Variants in PCDHA8 observed in about 807,000 individuals in gnomAD.
The protein encoded by PCDHA8 is protocadherin alpha-8.
A neutral mutation model predicts 61.8 loss-of-function variants in PCDHA8; 53 were observed. The ratio of observed to expected loss-of-function variants is 0.86; its 90% confidence interval spans 0.69 to 1.08. The LOEUF is 1.08. PCDHA8 is among the 50% of genes least tolerant of loss of function. The pLI is 0.00. For synonymous variants in PCDHA8, 618 were observed against 556.6 expected (o/e 1.11, Z -1.55); for missense variants, 1,293 against 1,245.0 (o/e 1.04, Z -0.58).
intron 1 of PCDHA8, among the ~76,000 whole-genome samples, chr5:140,918,972 A>G (rs782748846): frequency 6.6e-5 from 10 of 152,184 alleles, no homozygotes; most frequent in Non-Finnish European, 1.3e-4. Flanking sequence ...GATATCGTTT[A>G]GGTTAGTTGG....
rs190283736 is a variant in PCDHA8 at position 140,986,671 on chromosome 5, A to G, written c.2542+4108A>G. 1.7e-3 allele frequency among the ~76,000 whole-genome samples: 261 copies of G among 152,322 alleles called. 3 individuals carry two copies. The highest frequency in any genetic ancestry group is 2.2e-4 in the Non-Finnish European group (15 of 68,018). ...GTGGGAGATGCTCACAGTTTTCAGA[A>G]GAGTTCAGAAAGTTTCAAAACACAC... On this transcript the variant is annotated intron_variant, in intron 3 of 3. Coordinates refer to ENST00000531613, the MANE Select transcript of PCDHA8 (RefSeq NM_018911.3).
At chr5:140,853,678 A>G (rs2042828793) in intron 1 of PCDHA8, 4 of 988,418 alleles carry the variant, frequency 4.0e-6, no homozygotes, top group Non-Finnish European at 3.7e-6. Flanking sequence ...CCTATGGTCA[A>G]CCTATCCTTA....
chr5:140,987,155 A>G (rs2097233368), intron 3 of PCDHA8, among the ~76,000 whole-genome samples: 1 of 151,902 alleles, frequency 6.6e-6, no homozygotes, highest in South Asian at 2.1e-4. Context: ...TGGAGGTTGC[A>G]GTGAGCTGAG....
chr5:140,917,417 C>T (rs1163543772), intron 1 of PCDHA8, among the ~76,000 whole-genome samples: 1 of 152,082 alleles, frequency 6.6e-6, no homozygotes, highest in African/African-American at 2.4e-5. Flanking sequence ...TAATTAGGCC[C>T]CATTTGCCAA....
At chr5:140,848,250 C>A in intron 1 of PCDHA8, 1 of 460,454 alleles carries the variant, frequency 2.2e-6, no homozygotes, top group Non-Finnish European at 3.8e-6. Context: ...TGCAGAATAA[C>A]TGTGAAATTT....
At position 140,928,325 on chromosome 5, in the gene PCDHA8, G is replaced by A. The variant is rs1432328240; in HGVS notation, c.2395-50624G>A. 3.1e-6 allele frequency: 5 copies of A among 1,614,020 alleles called. No homozygotes were observed. The African/African-American group carries it at 6.7e-5, about 22-fold the overall frequency. ...CAGGACCCCGACCTGGGGAAGAATGGCCTTGTCTCTTATGAGCTGTTGGAT... is the reference window on the plus strand; with the variant it reads ...CAGGACCCCGACCTGGGGAAGAATGACCTTGTCTCTTATGAGCTGTTGGAT... On this transcript the variant is annotated intron_variant, in intron 1 of 3. Transcript: ENST00000531613.
At chr5:140,907,534 T>G (rs2073435289) in intron 1 of PCDHA8, among the ~76,000 whole-genome samples, 1 of 152,204 alleles carries the variant, frequency 6.6e-6, no homozygotes, top group African/African-American at 2.4e-5. Flanking sequence ...CGCTGCCCTT[T>G]CTATGATGGA....
intron 1 of PCDHA8, among the ~76,000 whole-genome samples, chr5:140,844,638 T>C (rs1352233987): frequency 8.0e-5 from 12 of 149,752 alleles, no homozygotes; most frequent in African/African-American, 2.7e-4. Flanking sequence ...CTATACATGA[T>C]AATTTCATTC....
chr5:140,876,855 A>C (rs371246236), intron 1 of PCDHA8: 7 of 1,613,934 alleles, frequency 4.3e-6, no homozygotes, highest in East Asian at 2.2e-5. Flanking sequence ...CCGAGTACAC[A>C]GTGTTCGTGA....
In PCDHA8 at chr5:140,849,948, C is replaced by T. The variant is rs2150459540; in HGVS notation, c.2394+6233C>T. ...GGTGTCTGCGCGGGACGCTGACGCG[C>T]AGGAGAACGCCCTGGTGTCCTACTC... On this transcript the variant is annotated intron_variant, in intron 1 of 3. Coordinates refer to ENST00000531613, the MANE Select transcript of PCDHA8 (RefSeq NM_018911.3). 4 of 1,597,728 alleles carry T rather than the reference C, an allele frequency of 2.5e-6. 1 individual carries two copies. The East Asian group carries it at 8.9e-5, about 36-fold the overall frequency.
rs1554202543 is a variant in PCDHA8 at position 140,925,106 on chromosome 5, G to GA, written c.2395-53842dup. The stretch of plus-strand genomic sequence containing the variant: ...GAAAGGAAGGAAGGAAGGAAGGAAG[G>GA]AGGGAAGGAAGGAAGGAAAAAAAAT... On this transcript the variant is annotated intron_variant, in intron 1 of 3. Coordinates refer to ENST00000531613, the MANE Select transcript of PCDHA8 (RefSeq NM_018911.3). Among the ~76,000 whole-genome samples the GA allele has an allele frequency of 6.6e-3, 1,003 of 151,180 alleles. 6 individuals are homozygous for GA. Among genetic ancestry groups the GA allele is most frequent in the African/African-American group, 0.017 (687 of 41,108 alleles).
chr5:140,877,146 GA>G (rs781877505), intron 1 of PCDHA8: 8 of 1,613,700 alleles, frequency 5.0e-6, no homozygotes, highest in Admixed American at 3.3e-5. Context: ...TGCTGGACGA[GA>G]ACGACAACGC....
At chr5:140,888,011 A>G (rs1554183291) in intron 1 of PCDHA8, among the ~76,000 whole-genome samples, 1 of 152,138 alleles carries the variant, frequency 6.6e-6, no homozygotes, top group African/African-American at 2.4e-5. Flanking sequence ...TCATCTTTTT[A>G]TCTATATGTT....
intron 1 of PCDHA8, chr5:140,856,567 A>C: frequency 6.3e-7 from 1 of 1,597,710 alleles, no homozygotes; most frequent in Non-Finnish European, 8.6e-7. Flanking sequence ...AACTCAGTCC[A>C]AATGAGTATT....
rs1305500600 is a variant in PCDHA8, at chr5:140,846,627, G to A, written c.2394+2912G>A. On this transcript the variant is annotated intron_variant, in intron 1 of 3. Transcript: ENST00000531613. Reference sequence around the variant, plus strand: ...CTGACCTCCTGATCCGCCCACTTCGGCCTCCTAAAGTGCTGGGATTACAGG... The same window carrying A: ...CTGACCTCCTGATCCGCCCACTTCGACCTCCTAAAGTGCTGGGATTACAGG... Among the ~76,000 whole-genome samples, 7 of 148,870 alleles carry A rather than the reference G, an allele frequency of 4.7e-5. No individual in the cohort carries two copies. In the Admixed American group the frequency reaches 4.7e-4, roughly 10 times the overall value.
intron 1 of PCDHA8, among the ~76,000 whole-genome samples, chr5:140,964,876 G>A (rs2095860081): frequency 6.6e-6 from 1 of 152,188 alleles, no homozygotes; most frequent in Non-Finnish European, 1.5e-5. Flanking sequence ...CAAATAAGAA[G>A]CAGCAGTGAT....
At chr5:140,900,206 C>A (rs1286660558) in intron 1 of PCDHA8, among the ~76,000 whole-genome samples, 1 of 152,172 alleles carries the variant, frequency 6.6e-6, no homozygotes, top group Non-Finnish European at 1.5e-5. Flanking sequence ...CCAGTTTCAT[C>A]CAGGTTGTTG....
chr5:140,882,153 A>C (rs1197738298), intron 1 of PCDHA8: 8 of 1,505,202 alleles, frequency 5.3e-6, no homozygotes, highest in Non-Finnish European at 7.1e-6. Flanking sequence ...CAGAAAGCGG[A>C]ATACCTCTTG....
At chr5:140,953,900 C>G (rs1040959969) in intron 1 of PCDHA8, among the ~76,000 whole-genome samples, 4 of 152,126 alleles carry the variant, frequency 2.6e-5, no homozygotes, top group Non-Finnish European at 5.9e-5. Context: ...GTATTAAGCC[C>G]AGCATCCATT....
Sources: allele counts gnomAD v4.1 joint callset (sites outside exome capture counted in the v4.1 genomes callset), GRCh38; gene constraint gnomAD v4.1.1; transcripts MANE v1.5; gene names NCBI Gene and HGNC (gene_info 2026-07-23, HGNC 2026-07-21).